The following MMP26 variants were observed in gnomAD, a reference collection of about 807,000 sequenced individuals.
MMP26 encodes the protein matrix metalloproteinase-26.
In MMP26, 33 loss-of-function variants were observed where a neutral mutation model predicts 31.0. The ratio of observed to expected loss-of-function variants is 1.06; its 90% CI spans 0.81 to 1.42. The LOEUF is 1.42. Among genes scored for constraint, MMP26 ranks in the 40% most tolerant of loss-of-function variants. MMP26 has a pLI of 0.00. For missense variants in MMP26, 347 were observed against 316.1 expected, an observed-to-expected ratio of 1.10 and a Z score of -0.74; for synonymous variants, 122 against 114.9, an observed-to-expected ratio of 1.06 and a Z score of -0.40.
At chr11:4,778,598 A>C (rs34238923) in intron 2 of MMP26, among the ~76,000 whole-genome samples, 1 of 151,974 alleles carries the variant, frequency 6.6e-6, no homozygotes, top group African/African-American at 2.4e-5. Flanking sequence ...TGCCTAGGCA[A>C]TTCTATATAC....
intron 1 of MMP26, among the ~76,000 whole-genome samples, chr11:4,727,120 G>A (rs1043806900): frequency 9.9e-5 from 15 of 151,946 alleles, no homozygotes; most frequent in African/African-American, 3.6e-4. Context: ...TTTTATCCAA[G>A]GGTAAGAAAA....
chr11:4,959,822 C>T (rs1243590480), intron 2 of MMP26, among the ~76,000 whole-genome samples: 1 of 152,182 alleles, frequency 6.6e-6, no homozygotes, highest in Non-Finnish European at 1.5e-5. Flanking sequence ...CTCATACTCT[C>T]ACAATACTTT....
intron 2 of MMP26, among the ~76,000 whole-genome samples, chr11:4,857,511 C>A (rs1850072356): frequency 6.6e-6 from 1 of 152,058 alleles, no homozygotes. Flanking sequence ...TACTCTCTCC[C>A]AAGACTAAAC....
Position 4,816,384 on chromosome 11 carries a change from C to G in MMP26, c.-145+49043C>G, listed in dbSNP as rs115841810. Reference sequence around the variant, plus strand: ...TCCGTCAGGTCCATTTGGTGTAGAGCGTAATTTAAATCCAAGGTTTCTTTA... The same window carrying G: ...TCCGTCAGGTCCATTTGGTGTAGAGGGTAATTTAAATCCAAGGTTTCTTTA... On this transcript the variant is annotated intron_variant, in intron 2 of 7. Coordinates refer to ENST00000380390, the MANE Select transcript of MMP26 (RefSeq NM_021801.5). Among the ~76,000 whole-genome samples, 748 of 152,050 alleles carry G rather than the reference C, an allele frequency of 4.9e-3. 5 individuals carry two copies. The highest frequency in any genetic ancestry group is 0.017 in the African/African-American group (706 of 41,458).
chr11:4,796,568 G>A (rs1849110472), intron 2 of MMP26, among the ~76,000 whole-genome samples: 1 of 152,186 alleles, frequency 6.6e-6, no homozygotes, highest in African/African-American at 2.4e-5. Context: ...CTTCCAAGAA[G>A]GAATTCATAA....
At chr11:4,979,623 A>G (rs1846785808) in intron 2 of MMP26, among the ~76,000 whole-genome samples, 1 of 152,104 alleles carries the variant, frequency 6.6e-6, no homozygotes, top group South Asian at 2.1e-4. Flanking sequence ...AACAAATACC[A>G]TACCCCAGGG....
intron 2 of MMP26, among the ~76,000 whole-genome samples, chr11:4,967,465 A>G (rs1846611937): frequency 6.6e-6 from 1 of 152,192 alleles, no homozygotes; most frequent in South Asian, 2.1e-4. Context: ...AGAACTTACC[A>G]CCAAAGTTCA....
At chr11:4,797,467 G>A (rs1045006074) in intron 2 of MMP26, among the ~76,000 whole-genome samples, 2 of 152,146 alleles carry the variant, frequency 1.3e-5, no homozygotes, top group African/African-American at 4.8e-5. Context: ...CCTTCCTGCT[G>A]CAGAGACTGT....
At chr11:4,821,908 C>T (rs1463693706) in intron 2 of MMP26, 3 of 1,614,022 alleles carry the variant, frequency 1.9e-6, no homozygotes, top group African/African-American at 2.7e-5. Flanking sequence ...GCCAGTCATG[C>T]TCTTTGTCAA....
chr11:4,761,151 T>C (rs1205526227), intron 1 of MMP26, among the ~76,000 whole-genome samples: 1 of 152,158 alleles, frequency 6.6e-6, no homozygotes, highest in Non-Finnish European at 1.5e-5. Context: ...GGGATACAAA[T>C]AGCAGTGCTG....
rs753796848 is a variant in MMP26 at position 4,821,803 on chromosome 11, A to G, written c.-145+54462A>G. 92 of 1,612,986 alleles carry G rather than the reference A, an allele frequency of 5.7e-5. No individual in the cohort carries two copies. The highest frequency in any genetic ancestry group is 7.5e-5 in the Non-Finnish European group (89 of 1,179,530). On this transcript the variant is annotated intron_variant, in intron 2 of 7. Coordinates refer to ENST00000380390, the MANE Select transcript of MMP26 (RefSeq NM_021801.5). The stretch of plus-strand genomic sequence containing the variant: ...CATGGCCTTTGATCGTTTTGTGGCC[A>G]TCTGTTACCCACTGAGATACACTAC...
At chr11:4,848,201 G>A (rs773775875) in intron 2 of MMP26, 1 of 1,550,566 alleles carries the variant, frequency 6.4e-7, no homozygotes, top group African/African-American at 1.4e-5. Context: ...TTAGTATCAG[G>A]AGCCCTGTAC....
intron 2 of MMP26, among the ~76,000 whole-genome samples, chr11:4,802,848 G>C (rs1203508446): frequency 6.6e-6 from 1 of 151,992 alleles, no homozygotes; most frequent in Non-Finnish European, 1.5e-5. Context: ...CAAATTTTCA[G>C]ATAGTCCTTT....
At chr11:4,798,173 C>T (rs775658535) in intron 2 of MMP26, among the ~76,000 whole-genome samples, 1 of 152,224 alleles carries the variant, frequency 6.6e-6, no homozygotes, top group Non-Finnish European at 1.5e-5. Flanking sequence ...CAAAGACTGA[C>T]AGTCCAGATT....
chr11:4,746,868 C>T (rs1021089860), intron 1 of MMP26, among the ~76,000 whole-genome samples: 1 of 149,752 alleles, frequency 6.7e-6, no homozygotes, highest in African/African-American at 2.5e-5. Flanking sequence ...CACACACACA[C>T]ACACACACAA....
At chr11:4,871,270 C>T (rs1049063615) in intron 2 of MMP26, among the ~76,000 whole-genome samples, 25 of 151,926 alleles carry the variant, frequency 1.6e-4, no homozygotes, top group Admixed American at 8.5e-4. Flanking sequence ...TGGGAAGTAT[C>T]GACAGGGATT....
chr11:4,816,697 CTTTTTTTTTTTTTTTTT>C (rs747753151), intron 2 of MMP26, among the ~76,000 whole-genome samples: 2 of 79,386 alleles, frequency 2.5e-5, no homozygotes, highest in East Asian at 3.5e-4. Context: ...TGGGTGCCTT[CTTTTTTTTTTTTTTTTT>C]TTTTTTTGAA....
chr11:4,947,410 A>G (rs76057693), intron 2 of MMP26: 1 of 227,032 alleles, frequency 4.4e-6, no homozygotes, highest in African/African-American at 2.4e-5. Flanking sequence ...AAATATTAGT[A>G]AACGCTGGTC....
chr11:4,982,395 T>C (rs1846827115), intron 2 of MMP26, among the ~76,000 whole-genome samples: 1 of 152,158 alleles, frequency 6.6e-6, no homozygotes. Flanking sequence ...AGCACCATGC[T>C]AATGTGGTCC....
Sources: allele counts gnomAD v4.1 joint callset (sites outside exome capture counted in the v4.1 genomes callset), GRCh38; gene constraint gnomAD v4.1.1; transcripts MANE v1.5; gene names NCBI Gene and HGNC (gene_info 2026-07-23, HGNC 2026-07-21).